The following PKHD1 variants were observed in gnomAD, a reference collection of about 807,000 sequenced individuals.
The protein encoded by PKHD1 is fibrocystin.
In PKHD1, 291 loss-of-function variants were observed where a neutral mutation model predicts 412.0. The ratio of observed to expected loss-of-function variants is 0.71; its 90% CI spans 0.64 to 0.78. The LOEUF is 0.78. PKHD1 is among the 30% of genes least tolerant of loss of function. The probability of loss-of-function intolerance (pLI) is 0.00; values close to 1 mark genes in which losing one functional copy is unlikely to be tolerated. For synonymous variants in PKHD1, 1,777 were observed against 1,821.5 expected (o/e 0.98, Z 0.62); for missense variants, 4,825 against 4,950.7 (o/e 0.97, Z 0.76).
chr6:51,735,727 AC>A (rs1468587260), intron 60 of PKHD1, among the ~76,000 whole-genome samples: 1 of 151,988 alleles, frequency 6.6e-6, no homozygotes, highest in Non-Finnish European at 1.5e-5. Context: ...GGAGTTCAAG[AC>A]CAGCCTGGCC....
intron 52 of PKHD1, among the ~76,000 whole-genome samples, chr6:51,799,184 T>A (rs902260364): frequency 6.6e-5 from 10 of 151,966 alleles, no homozygotes; most frequent in African/African-American, 2.4e-4. Context: ...CAAGCACACG[T>A]GTGTACACAC....
At chr6:51,638,982 T>C in intron 63 of PKHD1, 26 bp from the exon 64 acceptor site, 1 of 1,465,256 alleles carries the variant, frequency 6.8e-7, no homozygotes. Context: ...AAACAAAAAT[T>C]AGCTGTTTAT....
At chr6:51,892,113 T>G (rs1340777052) in intron 43 of PKHD1, among the ~76,000 whole-genome samples, 1 of 152,250 alleles carries the variant, frequency 6.6e-6, no homozygotes, top group Non-Finnish European at 1.5e-5. Context: ...TGTTCCTTTG[T>G]GGACTAATTG....
intron 60 of PKHD1, among the ~76,000 whole-genome samples, chr6:51,716,594 C>G (rs529277821): frequency 1.1e-3 from 160 of 152,174 alleles, no homozygotes; most frequent in African/African-American, 3.7e-3. Flanking sequence ...GCTCCCCTTT[C>G]TTCTGGTTAT....
intron 55 of PKHD1, 145 bp downstream of exon 55, chr6:51,772,557 C>T: frequency 1.9e-6 from 1 of 534,930 alleles, no homozygotes. Flanking sequence ...TTTTTAAATT[C>T]CCTATAATCG....
chr6:51,900,967 G>A lies in PKHD1; in HGVS notation c.6996+2630C>T, dbSNP rs574369758. 2.5e-3 allele frequency among the ~76,000 whole-genome samples: 374 copies of A among 152,094 alleles called. 3 individuals carry two copies. The highest frequency in any genetic ancestry group is 8.0e-3 in the African/African-American group (334 of 41,494). ...GAAATGCAAATCAAAACCACAATGA[G>A]ATACCATCTCACACCAGTTAGAATG... On this transcript the variant is annotated intron_variant, in intron 43 of 66. Transcript: ENST00000371117.
chr6:51,639,244 T>A (rs1007262359), intron 63 of PKHD1, among the ~76,000 whole-genome samples: 4 of 152,210 alleles, frequency 2.6e-5, no homozygotes, highest in Admixed American at 2.6e-4. Context: ...ATTATCTATA[T>A]TCTAGCAATT....
chr6:51,995,387 T>C (rs1797603516), intron 35 of PKHD1, among the ~76,000 whole-genome samples: 1 of 152,254 alleles, frequency 6.6e-6, no homozygotes, highest in South Asian at 2.1e-4. Context: ...CTCAAGATTG[T>C]ACATGATGTT....
chr6:52,034,754 A>G (rs1008006211), intron 28 of PKHD1, among the ~76,000 whole-genome samples: 2 of 152,252 alleles, frequency 1.3e-5, no homozygotes, highest in Non-Finnish European at 2.9e-5. Context: ...GTGTCTGGTA[A>G]TAAGGAATAG....
intron 60 of PKHD1, among the ~76,000 whole-genome samples, chr6:51,675,810 C>T (rs1334433352): frequency 6.6e-6 from 1 of 152,156 alleles, no homozygotes; most frequent in African/African-American, 2.4e-5. Flanking sequence ...TTGGCATATG[C>T]TATTGCATAC....
intron 60 of PKHD1, among the ~76,000 whole-genome samples, chr6:51,735,508 T>C (rs920217569): frequency 6.6e-6 from 1 of 152,250 alleles, no homozygotes; most frequent in Non-Finnish European, 1.5e-5. Context: ...TTGTTTGTTC[T>C]GTGTGGACAG....
chr6:51,921,294 C>T (rs904703676), intron 37 of PKHD1, among the ~76,000 whole-genome samples: 1 of 152,082 alleles, frequency 6.6e-6, no homozygotes, highest in Non-Finnish European at 1.5e-5. Context: ...CTATAAAGAT[C>T]TGTTGTTAGT....
chr6:52,033,521 TC>T (rs1210697755), intron 28 of PKHD1, among the ~76,000 whole-genome samples: 1 of 152,046 alleles, frequency 6.6e-6, no homozygotes, highest in Non-Finnish European at 1.5e-5. Flanking sequence ...AGCTAAACTA[TC>T]CATCAAGTAT....
chr6:51,933,075 A>G (rs975736636), intron 37 of PKHD1, among the ~76,000 whole-genome samples: 2 of 152,322 alleles, frequency 1.3e-5, no homozygotes, highest in African/African-American at 4.8e-5. Flanking sequence ...TCTGGAGCCC[A>G]CATTTTTTAT....
intron 55 of PKHD1, among the ~76,000 whole-genome samples, chr6:51,761,238 T>C (rs1787958124): frequency 6.6e-6 from 1 of 152,110 alleles, no homozygotes; most frequent in Admixed American, 6.6e-5. Context: ...TGGAATACTA[T>C]TCAGCCTTTA....
At chr6:51,922,013 T>G (rs913345616) in intron 37 of PKHD1, among the ~76,000 whole-genome samples, 1 of 152,252 alleles carries the variant, frequency 6.6e-6, no homozygotes, top group African/African-American at 2.4e-5. Flanking sequence ...AGAGGCACTC[T>G]GATTTTTAGA....
At chr6:51,701,848 G>C (rs191078761) in intron 60 of PKHD1, among the ~76,000 whole-genome samples, 102 of 151,796 alleles carry the variant, frequency 6.7e-4, no homozygotes, top group Admixed American at 2.6e-3. Flanking sequence ...AGAATTTTAG[G>C]CTTTGTGGCC....
intron 52 of PKHD1, among the ~76,000 whole-genome samples, chr6:51,799,749 T>G (rs1165838303): frequency 6.6e-6 from 1 of 152,210 alleles, no homozygotes. Context: ...TTTCTCTCTT[T>G]TGAGGAGTGG....
Position 51,904,057 on chromosome 6 carries a change from C to A in PKHD1, c.6809-15G>T. ...CGTGCATGTCCCTGAGAACAAAAGA[C>A]CCCATTACTTGAGTATATTTTATGT... On this transcript the variant is annotated splice_polypyrimidine_tract_variant and intron_variant, in intron 41 of 66. Coordinates refer to ENST00000371117, the MANE Select transcript of PKHD1 (RefSeq NM_138694.4). 6.4e-7 allele frequency: 1 copy of A among 1,553,868 alleles called. No homozygotes were observed. The highest frequency in any genetic ancestry group is 8.9e-7 in the Non-Finnish European group (1 of 1,125,538).
Sources: gnomAD v4.1 joint callset for allele counts (sites outside exome capture counted in the v4.1 genomes callset) on GRCh38, gnomAD v4.1.1 for gene constraint, MANE v1.5 for transcripts, NCBI Gene and HGNC (gene_info 2026-07-23, HGNC 2026-07-21) for gene names.